The following TSGA13 variants were observed in gnomAD, a reference collection of about 807,000 sequenced individuals.
TSGA13 encodes testis-specific gene 13 protein.
A neutral mutation model predicts 35.1 loss-of-function variants in TSGA13; 37 were observed. That is an observed-to-expected ratio of 1.05 (90% CI 0.81 to 1.39). TSGA13 has a LOEUF of 1.39. Among genes scored for constraint, TSGA13 ranks in the 40% most tolerant of loss-of-function variants. The probability of loss-of-function intolerance (pLI) is 0.00; values close to 1 mark genes in which losing one functional copy is unlikely to be tolerated. For missense variants in TSGA13, 338 were observed against 328.5 expected, an observed-to-expected ratio of 1.03 and a Z score of -0.22; for synonymous variants, 124 against 121.2, an observed-to-expected ratio of 1.02 and a Z score of -0.15.
intron 5 of TSGA13, among the ~76,000 whole-genome samples, chr7:130,676,713 G>A (rs782102977): frequency 8.5e-5 from 13 of 152,252 alleles, no homozygotes; most frequent in South Asian, 4.1e-4. Context: ...AGGAACTATG[G>A]AAACACTAAC....
chr7:130,670,091 G>C (rs1554462728), intron 7 of TSGA13, among the ~76,000 whole-genome samples: 1 of 152,224 alleles, frequency 6.6e-6, no homozygotes, highest in Non-Finnish European at 1.5e-5. Context: ...TGTAAAGCAA[G>C]ATCAATCATT....
chr7:130,678,955 A>G (rs1413569481), intron 5 of TSGA13, among the ~76,000 whole-genome samples, 200 bp downstream of exon 5: 1 of 152,218 alleles, frequency 6.6e-6, no homozygotes, highest in African/African-American at 2.4e-5. Context: ...TGAGCCCAAG[A>G]GGTCAAGGCT....
chr7:130,674,174 T>C (rs1218579651), intron 5 of TSGA13, among the ~76,000 whole-genome samples: 7 of 132,460 alleles, frequency 5.3e-5, no homozygotes, highest in African/African-American at 1.3e-4. Flanking sequence ...TTTTTCTTTT[T>C]TTTTTTTTTT....
intron 2 of TSGA13, 66 bp from the exon 3 acceptor site, chr7:130,683,738 C>A (rs1796599125): frequency 2.8e-6 from 4 of 1,449,770 alleles, no homozygotes; most frequent in South Asian, 1.2e-5. Context: ...TGCATATTGT[C>A]AGTCTCCCTC....
chr7:130,681,781 C>T (rs1362398022), intron 3 of TSGA13, among the ~76,000 whole-genome samples: 7 of 152,112 alleles, frequency 4.6e-5, no homozygotes, highest in Non-Finnish European at 8.8e-5. Context: ...TGCTTCTCCT[C>T]TTGCATAGCC....
At chr7:130,680,182 A>AT (rs1796511018) in intron 4 of TSGA13, among the ~76,000 whole-genome samples, 1 of 152,180 alleles carries the variant, frequency 6.6e-6, no homozygotes, top group African/African-American at 2.4e-5. Context: ...GCACAACCAC[A>AT]TTGACATGCA....
chr7:130,672,872 C>T lies in TSGA13; in HGVS notation c.392G>A (p.Ser131Asn), dbSNP rs1554463498. ...SKELLLKVME[S>N]HHQHKPTENL... ...CTCAGTGGGTTTGTGCTGATGATGA[C>T]TTTCCTGTAGGGAAACGAGGGAAGA... Residue 131 changes from serine to asparagine, a missense_variant, in exon 6 of 8, where the codon AGT (serine) becomes AAT (asparagine). Transcript: ENST00000356588. 1.2e-6 allele frequency: 2 copies of T among 1,613,028 alleles called. No homozygotes were observed. Among genetic ancestry groups the T allele is most frequent in the Admixed American group, 1.7e-5 (1 of 59,844 alleles).
intron 4 of TSGA13, 146 bp from the exon 5 acceptor site, chr7:130,679,513 GTTTTTGT>G (rs1796492153): frequency 1.3e-6 from 1 of 772,318 alleles, no homozygotes; most frequent in Non-Finnish European, 2.0e-6. Context: ...TTTTGGTTTT[GTTTTTGT>G]TTTTTTTGAG....
Position 130,668,744 on chromosome 7 carries a change from G to A in TSGA13, c.*270C>T. On this transcript the variant is annotated 3_prime_UTR_variant, in exon 8 of 8. Coordinates refer to ENST00000356588, the MANE Select transcript of TSGA13 (RefSeq NM_052933.4). ...CAGCCGGCGAGCGGAAGAGGCTGCA[G>A]GAAGGCCGGCCCCGCGCTCTCACGC... is the stretch of plus-strand genomic sequence containing the variant. The A allele has an allele frequency of 5.4e-6, 8 of 1,474,598 alleles. No homozygotes were observed. The highest frequency in any genetic ancestry group is 1.3e-5 in the South Asian group (1 of 77,414). The allele number at this position is 1,474,598 out of a possible 1,614,324, so 91.3% of individuals were successfully genotyped here. A position where few individuals can be genotyped will look rare whatever the true frequency, so the allele number is the denominator to read the frequency against.
At position 130,672,739 on chromosome 7, in the gene TSGA13, C is replaced by T. The variant is rs782749577; in HGVS notation, c.525G>A (p.Trp175Ter). 7 of 1,612,836 alleles carry T rather than the reference C, an allele frequency of 4.3e-6. No homozygotes were observed. In the Admixed American group the frequency reaches 1.0e-4, roughly 23 times the overall value. ...AAGAAGAAGCAAGATTTCACCTAAA[C>T]CATTGTTCTCGCTTGGATGTGGGAT... ...SDDPTSKREQWFRFSTDNDFK... is the reference protein window; with the variant it reads ...SDDPTSKREQ The change falls in exon 6 of 8, where the codon TGG (tryptophan) becomes TGA (stop). Residue 175 changes from tryptophan (W) to a stop codon, truncating the protein, a stop_gained. Coordinates refer to ENST00000356588, the MANE Select transcript of TSGA13 (RefSeq NM_052933.4). LOFTEE classifies it high-confidence loss of function.
At position 130,671,630 on chromosome 7, in the gene TSGA13, TA is replaced by T. The variant is rs1168740858; in HGVS notation, c.658+30del. The T allele has an allele frequency of 3.2e-6, 5 of 1,542,168 alleles. No homozygotes were observed. In the African/African-American group the frequency reaches 4.1e-5, roughly 13 times the overall value. On this transcript the variant is annotated intron_variant, in intron 7 of 7. Transcript: ENST00000356588. ...ATCTCCAGCCCAAATCTCAGTCCAG[TA>T]AGCCTTTGCTTTGAAAGAGAGGAGC...
upstream of TSGA13, chr7:130,687,090 G>T (rs1796674806): frequency 6.6e-6 from 1 of 152,016 alleles, no homozygotes; most frequent in African/African-American, 2.4e-5. Flanking sequence ...TGTTGGCCAG[G>T]ATGGTCTCGA....
chr7:130,679,168 A>G lies in TSGA13; in HGVS notation c.374T>C (p.Leu125Pro), dbSNP rs1190011900. 1.9e-6 allele frequency: 3 copies of G among 1,613,956 alleles called. No homozygotes were observed. The highest frequency in any genetic ancestry group is 2.5e-6 in the Non-Finnish European group (3 of 1,179,910). The change falls in exon 5 of 8, where the codon CTG becomes CCG. Residue 125 changes from leucine to proline, a missense_variant. Physicochemically the swap from Leu to Pro is moderately conservative, Grantham distance 98. Coordinates refer to ENST00000356588, the MANE Select transcript of TSGA13 (RefSeq NM_052933.4). ...ACTTCTGCTTACCATGACCTTGAGC[A>G]GTAACTCCTTGGAAAAATATTTTGA... Reference protein sequence around the residue: ...SASKYFSKELLLKVMESHHQH... With the variant: ...SASKYFSKELPLKVMESHHQH...
At position 130,683,650 on chromosome 7, in the gene TSGA13, T is replaced by A. The variant is rs1473269819; in HGVS notation, c.46A>T (p.Thr16Ser). 2 of 1,613,948 alleles carry A rather than the reference T, an allele frequency of 1.2e-6. No individual in the cohort carries two copies. The highest frequency in any genetic ancestry group is 1.1e-5 in the South Asian group (1 of 91,072). Residue 16 changes from threonine to serine, a missense_variant, in exon 3 of 8, where the codon ACT becomes TCT. Transcript: ENST00000356588. The stretch of plus-strand genomic sequence containing the variant: ...CGTTTAGCTGAGCTATTTTCTGAAG[T>A]CTTTGATTTGCCATTTTGAAACCTG... ...QTKFQNGKSK[T>S]SENSSAKREK...
intron 7 of TSGA13, among the ~76,000 whole-genome samples, chr7:130,669,902 A>G (rs1364977415): frequency 5.3e-5 from 8 of 152,206 alleles, no homozygotes; most frequent in Admixed American, 4.6e-4. Flanking sequence ...GAAAATAAAC[A>G]GGCTTTGGGG....
At chr7:130,672,444 G>A (rs782207019) in intron 6 of TSGA13, among the ~76,000 whole-genome samples, 8 of 150,938 alleles carry the variant, frequency 5.3e-5, no homozygotes, top group East Asian at 1.9e-4. Flanking sequence ...GTGATATAGC[G>A]CCTAACTTGT....
chr7:130,680,132 CTT>C (rs1796509879), intron 4 of TSGA13, among the ~76,000 whole-genome samples: 1 of 152,212 alleles, frequency 6.6e-6, no homozygotes, highest in South Asian at 2.1e-4. Context: ...ATATTTACAT[CTT>C]CCACGTAATG....
chr7:130,679,239 G>T lies in TSGA13; in HGVS notation c.303C>A (p.Asn101Lys). 1 of 1,614,164 alleles carries T rather than the reference G, an allele frequency of 6.2e-7. No individual in the cohort carries two copies. Among genetic ancestry groups the T allele is most frequent in the Non-Finnish European group, 8.5e-7 (1 of 1,180,032 alleles). The change falls in exon 5 of 8, where the codon AAC (asparagine) becomes AAA (lysine). Residue 101 changes from asparagine (N) to lysine (K), a missense_variant. Coordinates refer to ENST00000356588, the MANE Select transcript of TSGA13 (RefSeq NM_052933.4). Reference sequence around the variant, plus strand: ...GGGTGATTGAGCAGGGAGGTGGGTTGTTGGTCATAATCAGTAACGTCTTAT... The same window carrying T: ...GGGTGATTGAGCAGGGAGGTGGGTTTTTGGTCATAATCAGTAACGTCTTAT... ...DQDKTLLIMT[N>K]NPPPCSITQQ...
Position 130,675,370 on chromosome 7 carries a change from G to A in TSGA13, c.388-2494C>T, listed in dbSNP as rs566139628. Among the ~76,000 whole-genome samples, 5 of 128,290 alleles carry A rather than the reference G, an allele frequency of 3.9e-5. No homozygotes were observed. In the East Asian group the frequency reaches 1.3e-3, roughly 33 times the overall value. 84.2% of individuals were successfully genotyped at this position (128,290 alleles called of 152,430 possible). A position where few individuals can be genotyped will look rare whatever the true frequency, so the allele number is the denominator to read the frequency against. ...TCACTACCTTTCTTCCTCATGGTTTGAGTCTTTTTTTGGGGGGGGTGGGGT... is the reference window on the plus strand; with the variant it reads ...TCACTACCTTTCTTCCTCATGGTTTAAGTCTTTTTTTGGGGGGGGTGGGGT... On this transcript the variant is annotated intron_variant, in intron 5 of 7. Coordinates refer to ENST00000356588, the MANE Select transcript of TSGA13 (RefSeq NM_052933.4).
Sources: gnomAD v4.1 joint callset for allele counts (sites outside exome capture counted in the v4.1 genomes callset) on GRCh38, gnomAD v4.1.1 for gene constraint, MANE v1.5 for transcripts, NCBI Gene and HGNC (gene_info 2026-07-23, HGNC 2026-07-21) for gene names.